The following ADK variants were observed in gnomAD, a reference collection of about 807,000 sequenced individuals.
ADK encodes the protein N6,N6-dimethyladenosine kinase.
A neutral mutation model predicts 44.7 loss-of-function variants in ADK; 24 were observed. That is an observed-to-expected ratio of 0.54 (90% CI 0.39 to 0.76). The LOEUF (loss-of-function observed/expected upper bound fraction) is 0.76, where lower values mean the gene tolerates loss of function less well. Among genes scored for constraint, ADK ranks in the 30% least tolerant of loss-of-function variants. The pLI is 0.00. For synonymous variants in ADK, 128 were observed against 142.6 expected, an observed-to-expected ratio of 0.90 and a Z score of 0.73; for missense variants, 321 against 425.1, an observed-to-expected ratio of 0.76 and a Z score of 2.15.
chr10:74,525,747 C>T (rs1450998948), intron 7 of ADK, among the ~76,000 whole-genome samples: 1 of 151,984 alleles, frequency 6.6e-6, no homozygotes, highest in African/African-American at 2.4e-5. Flanking sequence ...CTCTCCTTCC[C>T]GGGTTCAAGC....
At position 74,521,418 on chromosome 10, in the gene ADK, A is replaced by C. The variant is rs181769500; in HGVS notation, c.556-3838A>C. Reference sequence around the variant, plus strand: ...ACATTTGGATTGGGGCCAGATTTAGACTCCAGGGGCACAGTGTTCTGTACC... The same window carrying C: ...ACATTTGGATTGGGGCCAGATTTAGCCTCCAGGGGCACAGTGTTCTGTACC... On this transcript the variant is annotated intron_variant, in intron 6 of 10. Transcript: ENST00000539909. 4.1e-4 allele frequency among the ~76,000 whole-genome samples: 62 copies of C among 152,160 alleles called. No individual in the cohort carries two copies. The Middle Eastern group carries it at 0.01, about 25-fold the overall frequency.
At chr10:74,499,864 A>AT (rs1198792577) in intron 6 of ADK, among the ~76,000 whole-genome samples, 2 of 151,812 alleles carry the variant, frequency 1.3e-5, no homozygotes, top group East Asian at 3.9e-4. Context: ...TTCTCTGATC[A>AT]TTTTTTTTAG....
intron 10 of ADK, among the ~76,000 whole-genome samples, chr10:74,685,062 A>G (rs1421337510): frequency 6.6e-6 from 1 of 152,242 alleles, no homozygotes; most frequent in Admixed American, 6.5e-5. Context: ...AAAAGCATTC[A>G]TGTGAACACT....
intron 4 of ADK, among the ~76,000 whole-genome samples, chr10:74,348,821 A>G (rs1402557732): frequency 6.6e-6 from 1 of 151,828 alleles, no homozygotes; most frequent in Non-Finnish European, 1.5e-5. Flanking sequence ...CACAGATTGA[A>G]TATCAACTTA....
In ADK at chr10:74,511,583, T is replaced by C. The variant is rs79856924; in HGVS notation, c.556-13673T>C. Among the ~76,000 whole-genome samples, 856 of 152,324 alleles carry C rather than the reference T, an allele frequency of 5.6e-3. 6 individuals carry two copies. Among genetic ancestry groups the C allele is most frequent in the African/African-American group, 0.019 (810 of 41,574 alleles). The stretch of plus-strand genomic sequence containing the variant: ...AGCTATTGTAAATGAGGTTGCCTTT[T>C]TGAATTCTTGTTCAACTACTTTGTT... On this transcript the variant is annotated intron_variant, in intron 6 of 10. Transcript: ENST00000539909.
At chr10:74,395,384 G>A (rs1305135436) in intron 5 of ADK, among the ~76,000 whole-genome samples, 2 of 152,078 alleles carry the variant, frequency 1.3e-5, no homozygotes, top group Non-Finnish European at 2.9e-5. Flanking sequence ...AATAAGCACA[G>A]TATTTACTAA....
intron 3 of ADK, among the ~76,000 whole-genome samples, chr10:74,247,697 A>T (rs7895133): frequency 0.46 from 69,657 of 151,980 alleles, 18,326 homozygotes; most frequent in Non-Finnish European, 0.59. Flanking sequence ...GTGTTTTTTT[A>T]AACTCAAAAA....
At chr10:74,317,296 C>T (rs1372788083) in intron 4 of ADK, among the ~76,000 whole-genome samples, 2 of 152,128 alleles carry the variant, frequency 1.3e-5, no homozygotes, top group African/African-American at 4.8e-5. Flanking sequence ...TCCTGCACAG[C>T]ATGTATATAA....
At chr10:74,462,900 T>C (rs1285708399) in intron 6 of ADK, among the ~76,000 whole-genome samples, 2 of 152,156 alleles carry the variant, frequency 1.3e-5, no homozygotes, top group Admixed American at 6.5e-5. Context: ...ATGACTCTCA[T>C]ATAAAATTTA....
intron 10 of ADK, among the ~76,000 whole-genome samples, chr10:74,671,017 T>C (rs1855152342): frequency 9.6e-6 from 1 of 103,812 alleles, no homozygotes; most frequent in African/African-American, 3.8e-5. Flanking sequence ...TCTCTTAACA[T>C]CAAGCCAGAC....
intron 6 of ADK, chr10:74,506,351 T>A (rs1286206208): frequency 1.2e-5 from 3 of 256,648 alleles, no homozygotes; most frequent in Non-Finnish European, 2.3e-5. Context: ...GCAAGTCAGC[T>A]TTTTTTTGTA....
intron 4 of ADK, among the ~76,000 whole-genome samples, chr10:74,320,205 C>T (rs1010654396): frequency 1.3e-5 from 2 of 151,990 alleles, no homozygotes; most frequent in African/African-American, 4.8e-5. Flanking sequence ...TTAAATAGCC[C>T]CTTTATTATA....
At chr10:74,267,992 A>G (rs1306932261) in intron 3 of ADK, among the ~76,000 whole-genome samples, 1 of 152,084 alleles carries the variant, frequency 6.6e-6, no homozygotes, top group Admixed American at 6.6e-5. Flanking sequence ...GAATGGTTGT[A>G]AAATTGCACT....
At chr10:74,196,462 C>T (rs536366558) in intron 1 of ADK, among the ~76,000 whole-genome samples, 2 of 152,194 alleles carry the variant, frequency 1.3e-5, no homozygotes, top group East Asian at 1.9e-4. Flanking sequence ...ATCGCTTGAA[C>T]CTGGGAGGCG....
chr10:74,330,270 G>C (rs1207354527), intron 4 of ADK, among the ~76,000 whole-genome samples: 1 of 152,106 alleles, frequency 6.6e-6, no homozygotes, highest in Non-Finnish European at 1.5e-5. Context: ...AAGAAAGCCA[G>C]GTGTGGTGGT....
chr10:74,592,457 A>G (rs1851757081), intron 8 of ADK, among the ~76,000 whole-genome samples: 1 of 152,152 alleles, frequency 6.6e-6, no homozygotes, highest in African/African-American at 2.4e-5. Context: ...CTCAAAACCT[A>G]AATATATATA....
Position 74,521,823 on chromosome 10 carries a change from T to G in ADK, c.556-3433T>G, listed in dbSNP as rs144361328. 4.1e-4 allele frequency among the ~76,000 whole-genome samples: 63 copies of G among 152,294 alleles called. No homozygotes were observed. The East Asian group carries it at 0.012, about 28-fold the overall frequency. Reference sequence around the variant, plus strand: ...AGGATACTTGGTTAAAAAAGAAAGATAAAAACATTTAAAAATAATAACTAA... The same window carrying G: ...AGGATACTTGGTTAAAAAAGAAAGAGAAAAACATTTAAAAATAATAACTAA... On this transcript the variant is annotated intron_variant, in intron 6 of 10. Transcript: ENST00000539909.
chr10:74,681,849 C>CAAAA (rs34381749), intron 10 of ADK, among the ~76,000 whole-genome samples: 1 of 93,150 alleles, frequency 1.1e-5, no homozygotes, highest in Non-Finnish European at 2.0e-5. Flanking sequence ...GACTCCATCT[C>CAAAA]AAAAAAAAAA....
intron 4 of ADK, among the ~76,000 whole-genome samples, chr10:74,339,799 G>A (rs7098200): frequency 0.47 from 71,582 of 152,068 alleles, 19,778 homozygotes; most frequent in Non-Finnish European, 0.62. Flanking sequence ...GGTGGAAGAA[G>A]AATCACTCCC....
Sources: gnomAD v4.1 joint callset for allele counts (sites outside exome capture counted in the v4.1 genomes callset) on GRCh38, gnomAD v4.1.1 for gene constraint, MANE v1.5 for transcripts, NCBI Gene and HGNC (gene_info 2026-07-23, HGNC 2026-07-21) for gene names.